Variants in NIN observed in about 807,000 individuals in gnomAD.
The protein encoded by NIN is glycogen synthase kinase 3 beta-interacting protein.
A neutral mutation model predicts 257.6 loss-of-function variants in NIN; 137 were observed. The ratio of observed to expected loss-of-function variants is 0.53; its 90% CI spans 0.46 to 0.61. The LOEUF is 0.61. Ranked by LOEUF, NIN falls within the 20% of genes least tolerant of loss-of-function variation. The pLI is 0.00. For missense variants in NIN, 2,439 were observed against 2,501.2 expected, an observed-to-expected ratio of 0.98 and a Z score of 0.53; for synonymous variants, 918 against 919.8, an observed-to-expected ratio of 1.00 and a Z score of 0.04.
chr14:50,796,096 G>A (rs996268359), intron 4 of NIN, among the ~76,000 whole-genome samples: 1 of 152,186 alleles, frequency 6.6e-6, no homozygotes, highest in African/African-American at 2.4e-5. Context: ...GATTCTCCCT[G>A]GATTGTTAAG....
At chr14:50,794,008 G>A (rs2142041649) in intron 4 of NIN, among the ~76,000 whole-genome samples, 1 of 152,266 alleles carries the variant, frequency 6.6e-6, no homozygotes, top group African/African-American at 2.4e-5. Flanking sequence ...TCTGAACTCA[G>A]ACATGTAGAC....
At position 50,773,049 on chromosome 14, in the gene NIN, C is replaced by T; in HGVS notation, c.713G>A (p.Ser238Asn). 6.2e-7 allele frequency: 1 copy of T among 1,612,938 alleles called. No individual in the cohort carries two copies. Among genetic ancestry groups the T allele is most frequent in the Non-Finnish European group, 8.5e-7 (1 of 1,179,118 alleles). The change falls in exon 8 of 31, where the codon AGT (serine) becomes AAT (asparagine). Residue 238 changes from serine (S) to asparagine (N), a missense_variant. Transcript: ENST00000530997. ...CAAACCATAGAAAAAATCTTCTACA[C>T]TCATTGTACCGTCAGGATCAAGATT... ...FHNLDPDGTM[S>N]VEDFFYGLFK...
chr14:50,743,409 C>T lies in NIN; in HGVS notation c.5301+7G>A. The stretch of plus-strand genomic sequence containing the variant: ...CCGTGAAGATGAAACAAGAATTGTC[C>T]ATGTACCTTTTCCTGAGAAGCCACC... On this transcript the variant is annotated splice_region_variant and intron_variant, in intron 24 of 30. Coordinates refer to ENST00000530997, the MANE Select transcript of NIN (RefSeq NM_020921.4). 2 of 1,544,248 alleles carry T rather than the reference C, an allele frequency of 1.3e-6. No individual in the cohort carries two copies. Among genetic ancestry groups the T allele is most frequent in the Non-Finnish European group, 1.8e-6 (2 of 1,116,298 alleles).
chr14:50,729,467 T>G (rs547467922), intron 29 of NIN, 56 bp downstream of exon 29: 5 of 1,526,852 alleles, frequency 3.3e-6, no homozygotes, highest in Admixed American at 1.8e-5. Flanking sequence ...GGTATAACTT[T>G]CAAATAAACA....
At chr14:50,748,252 C>T in intron 21 of NIN, 147 bp from the exon 22 acceptor site, 1 of 566,732 alleles carries the variant, frequency 1.8e-6, no homozygotes, top group Non-Finnish European at 3.2e-6. Context: ...AAAAGACTTT[C>T]CACTTAAATG....
chr14:50,772,732 G>T (rs1008221117), intron 8 of NIN, among the ~76,000 whole-genome samples: 1 of 152,216 alleles, frequency 6.6e-6, no homozygotes, highest in Non-Finnish European at 1.5e-5. Flanking sequence ...ACCCAGAGCT[G>T]ACATGACAAG....
chr14:50,744,454 GCTGCTATTTGC>G (rs2041445524), intron 22 of NIN, 89 bp from the exon 23 acceptor site: 11 of 1,345,294 alleles, frequency 8.2e-6, no homozygotes, highest in Non-Finnish European at 1.1e-5. Flanking sequence ...TTTCACAGCT[GCTGCTATTTGC>G]CTATCTGTGG....
At chr14:50,796,820 A>G (rs897907223) in intron 4 of NIN, among the ~76,000 whole-genome samples, 2 of 151,960 alleles carry the variant, frequency 1.3e-5, no homozygotes, top group Non-Finnish European at 2.9e-5. Context: ...CAAGCAATAC[A>G]GAGTACACTT....
chr14:50,797,318 T>C (rs1001967319), intron 4 of NIN, among the ~76,000 whole-genome samples: 1 of 152,200 alleles, frequency 6.6e-6, no homozygotes, highest in Non-Finnish European at 1.5e-5. Flanking sequence ...GCTGGTATTC[T>C]CATTTTGGAA....
chr14:50,725,784 T>G (rs2040384614), intron 30 of NIN, 169 bp downstream of exon 30: 1 of 1,191,920 alleles, frequency 8.4e-7, no homozygotes, highest in Admixed American at 2.3e-5. Flanking sequence ...TTCGTATTTT[T>G]TGGGGTGATA....
At chr14:50,818,642 G>T (rs539062950) in intron 3 of NIN, among the ~76,000 whole-genome samples, 1 of 152,158 alleles carries the variant, frequency 6.6e-6, no homozygotes, top group South Asian at 2.1e-4. Context: ...AGATATGATG[G>T]AACTCTTTTC....
rs2040295005 is a variant in NIN at position 50,722,740 on chromosome 14, A to C, written c.*723T>G. ...TATGTGGCTTTATCCGTTTCTTAGAAGACCAGCTCCCCAAATGAAACTTTT... is the reference window on the plus strand; with the variant it reads ...TATGTGGCTTTATCCGTTTCTTAGACGACCAGCTCCCCAAATGAAACTTTT... On this transcript the variant is annotated 3_prime_UTR_variant, in exon 31 of 31. Coordinates refer to ENST00000530997, the MANE Select transcript of NIN (RefSeq NM_020921.4). 1 of 215,168 alleles carries C rather than the reference A, an allele frequency of 4.6e-6. No individual in the cohort carries two copies. The highest frequency in any genetic ancestry group is 1.9e-4 in the South Asian group (1 of 5,372). 13.3% of individuals were successfully genotyped at this position (215,168 alleles called of 1,614,324 possible). A position where few individuals can be genotyped will look rare whatever the true frequency, so the allele number is the denominator to read the frequency against.
intron 24 of NIN, 193 bp from the exon 25 acceptor site, chr14:50,741,921 G>A (rs1027077595): frequency 5.7e-6 from 3 of 523,630 alleles, no homozygotes; most frequent in Non-Finnish European, 3.3e-6. Flanking sequence ...ATTATATTTA[G>A]GACAATGATG....
intron 7 of NIN, among the ~76,000 whole-genome samples, chr14:50,775,163 A>C (rs2042874360): frequency 6.6e-6 from 1 of 152,136 alleles, no homozygotes; most frequent in East Asian, 1.9e-4. Context: ...CTGCCCATAA[A>C]ATGGAGCCAA....
At chr14:50,773,445 C>T (rs1304118532) in intron 7 of NIN, among the ~76,000 whole-genome samples, 1 of 152,102 alleles carries the variant, frequency 6.6e-6, no homozygotes, top group Non-Finnish European at 1.5e-5. Flanking sequence ...TACAAGCTTC[C>T]CAGTGTCATA....
In NIN at chr14:50,825,105, G is replaced by A. The variant is rs78178483; in HGVS notation, c.-21-3028C>T. Among the ~76,000 whole-genome samples, 1,363 of 152,296 alleles carry A rather than the reference G, an allele frequency of 8.9e-3. 13 individuals are homozygous for A. Among genetic ancestry groups the A allele is most frequent in the African/African-American group, 0.031 (1,282 of 41,546 alleles). ...AGGTTTGTTCTGAGAGTTAAATGTG[G>A]CAAGCAAGCGAGAGTGGCTAATTCC... On this transcript the variant is annotated intron_variant, in intron 2 of 30. Transcript: ENST00000530997.
intron 30 of NIN, 79 bp from the exon 31 acceptor site, chr14:50,723,751 AC>A: frequency 8.0e-7 from 1 of 1,244,046 alleles, no homozygotes; most frequent in African/African-American, 1.5e-5. Context: ...TGACATAAGG[AC>A]AGTTGTTTTA....
At chr14:50,736,156 A>G (rs1192926255) in intron 27 of NIN, among the ~76,000 whole-genome samples, 1 of 150,944 alleles carries the variant, frequency 6.6e-6, no homozygotes, top group Non-Finnish European at 1.5e-5. Context: ...TTTTTGAGAC[A>G]GAGTCTCACT....
chr14:50,759,806 T>C (rs770788959), intron 17 of NIN, 51 bp downstream of exon 17: 1 of 1,543,512 alleles, frequency 6.5e-7, no homozygotes, highest in Admixed American at 2.0e-5. Context: ...GCACTTCTAA[T>C]GCCCCGAGGG....
Sources: gnomAD v4.1 joint callset for allele counts (sites outside exome capture counted in the v4.1 genomes callset) on GRCh38, gnomAD v4.1.1 for gene constraint, MANE v1.5 for transcripts, NCBI Gene and HGNC (gene_info 2026-07-23, HGNC 2026-07-21) for gene names.